LRP2: variants seen among roughly 807,000 people sequenced by gnomAD.
The protein encoded by LRP2 is low-density lipoprotein receptor-related protein 2.
LRP2 carries 172 observed loss-of-function variants against 531.0 expected under a neutral mutation model. The ratio of observed to expected loss-of-function variants is 0.32; its 90% CI spans 0.29 to 0.37. The LOEUF is 0.37. Ranked by LOEUF, LRP2 falls within the 10% of genes least tolerant of loss-of-function variation. The pLI, the probability that LRP2 is intolerant of heterozygous loss-of-function variation, is 1.00. For synonymous variants in LRP2, 1,992 were observed against 2,027.6 expected, an observed-to-expected ratio of 0.98 and a Z score of 0.47; for missense variants, 5,167 against 5,868.3, an observed-to-expected ratio of 0.88 and a Z score of 3.90.
At position 169,226,394 on chromosome 2, in the gene LRP2, T is replaced by C. The variant is rs773145429; in HGVS notation, c.5394+28A>G. 4.4e-6 allele frequency: 7 copies of C among 1,587,852 alleles called. No individual in the cohort carries two copies. The South Asian group carries it at 6.6e-5, about 15-fold the overall frequency. The stretch of plus-strand genomic sequence containing the variant: ...AGGCAGGCTCTTCAAGAATAAATTA[T>C]ATACTTTGAATGTTATTCAAAACTT... On this transcript the variant is annotated intron_variant, in intron 32 of 78. Coordinates refer to ENST00000649046, the MANE Select transcript of LRP2 (RefSeq NM_004525.3).
chr2:169,206,746 T>A lies in LRP2; in HGVS notation c.6974A>T (p.Asp2325Val). Residue 2325 changes from aspartate (D) to valine (V), a missense_variant, in exon 39 of 79, where the codon GAT becomes GTT. Asp to Val is a radical substitution (Grantham distance 152). This residue lies in a region of LRP2 where 2,811 missense variants were observed against 3,058.0 expected (regional missense o/e 0.92). Coordinates refer to ENST00000649046, the MANE Select transcript of LRP2 (RefSeq NM_004525.3). ...GACTTGCTTGTCAAAGATGGTCACA[T>A]CTCTTAGCCAGTTGATATTGTCTCT... ...VIRDNINWLR[D>V]VTIFDKQVQP... 1.2e-6 allele frequency: 2 copies of A among 1,614,154 alleles called. No individual in the cohort carries two copies. The highest frequency in any genetic ancestry group is 1.7e-6 in the Non-Finnish European group (2 of 1,180,024).
chr2:169,345,934 C>G, intron 1 of LRP2, among the ~76,000 whole-genome samples: 1 of 152,190 alleles, frequency 6.6e-6, no homozygotes, highest in African/African-American at 2.4e-5. Context: ...CAGGAAGGCC[C>G]TGGAGGGAAT....
chr2:169,146,378 G>A (rs1685912756), intron 69 of LRP2, among the ~76,000 whole-genome samples: 1 of 152,130 alleles, frequency 6.6e-6, no homozygotes, highest in Admixed American at 6.5e-5. Flanking sequence ...TGCATACTGG[G>A]CAATCTAGTA....
intron 1 of LRP2, among the ~76,000 whole-genome samples, chr2:169,333,314 A>G (rs1371904964): frequency 6.6e-6 from 1 of 152,110 alleles, no homozygotes; most frequent in East Asian, 1.9e-4. Context: ...AGAACAGATG[A>G]GACTAAGCGA....
chr2:169,195,860 C>T (rs1189569505), intron 46 of LRP2, among the ~76,000 whole-genome samples: 1 of 152,062 alleles, frequency 6.6e-6, no homozygotes, highest in Non-Finnish European at 1.5e-5. Flanking sequence ...TGAGAGAAAA[C>T]TGGAATTGAA....
In LRP2 at chr2:169,209,758, A is replaced by G. The variant is rs1688528143; in HGVS notation, c.6281-117T>C. 5.2e-6 allele frequency: 5 copies of G among 961,960 alleles called. No homozygotes were observed. The South Asian group carries it at 5.5e-5, about 11-fold the overall frequency. 59.6% of individuals were successfully genotyped at this position (961,960 alleles called of 1,614,324 possible). ...CCCCTGCTCTGAGCATCTCCCCATTACAAAATGAAACCCTTTTTTCCCAGT... is the reference window on the plus strand; with the variant it reads ...CCCCTGCTCTGAGCATCTCCCCATTGCAAAATGAAACCCTTTTTTCCCAGT... On this transcript the variant is annotated intron_variant, in intron 37 of 78. Coordinates refer to ENST00000649046, the MANE Select transcript of LRP2 (RefSeq NM_004525.3).
chr2:169,336,236 C>T (rs1483011946), intron 1 of LRP2, among the ~76,000 whole-genome samples: 3 of 151,884 alleles, frequency 2.0e-5, no homozygotes, highest in South Asian at 2.1e-4. Context: ...GACATCCAGC[C>T]CCTGCAAACG....
chr2:169,340,244 T>G (rs755367019), intron 1 of LRP2, among the ~76,000 whole-genome samples: 7 of 152,204 alleles, frequency 4.6e-5, no homozygotes, highest in Non-Finnish European at 8.8e-5. Context: ...CTTGTTTCTC[T>G]CTTTCAAATA....
rs1428351995 is a variant in LRP2, at chr2:169,356,263, A to G, written c.79+6058T>C. On this transcript the variant is annotated intron_variant, in intron 1 of 78. Coordinates refer to ENST00000649046, the MANE Select transcript of LRP2 (RefSeq NM_004525.3). ...TAACTTAGTTTTGTGACATTCACCA[A>G]CATAACAGTACTGAATAACATGTGA... Among the ~76,000 whole-genome samples, 3 of 152,214 alleles carry G rather than the reference A, an allele frequency of 2.0e-5. No homozygotes were observed. The East Asian group carries it at 5.8e-4, about 29-fold the overall frequency.
At chr2:169,339,234 C>T (rs1038036272) in intron 1 of LRP2, among the ~76,000 whole-genome samples, 14 of 152,040 alleles carry the variant, frequency 9.2e-5, no homozygotes, top group Admixed American at 2.6e-4. Context: ...AGCTAATTCC[C>T]CCAAAAGCTA....
chr2:169,243,090 A>G lies in LRP2; in HGVS notation c.3551-18T>C. On this transcript the variant is annotated intron_variant, in intron 23 of 78. Coordinates refer to ENST00000649046, the MANE Select transcript of LRP2 (RefSeq NM_004525.3). ...GTTTAATACTAAGAATGAAAGAGAA[A>G]AGCATTAGAAATTAGCTCAGGGCTA... 5.1e-6 allele frequency: 8 copies of G among 1,570,838 alleles called. No homozygotes were observed. Among genetic ancestry groups the G allele is most frequent in the Non-Finnish European group, 7.0e-6 (8 of 1,140,708 alleles).
chr2:169,326,102 G>T (rs1204284438), intron 1 of LRP2, among the ~76,000 whole-genome samples: 1 of 145,938 alleles, frequency 6.9e-6, no homozygotes, highest in Admixed American at 7.0e-5. Flanking sequence ...GAAGAAAAAA[G>T]AAAAATAAGA....
rs1688403453 is a variant in LRP2, at chr2:169,206,725, T to C, written c.6995A>G (p.Gln2332Arg). The change falls in exon 39 of 79, where the codon CAA (glutamine) becomes CGA (arginine). Residue 2332 changes from glutamine (Q) to arginine (R), a missense_variant. Gln to Arg is a conservative substitution (Grantham distance 43). Transcript: ENST00000649046. ...CTCTGCTGGTGACCGGGGCTGGACT[T>C]GCTTGTCAAAGATGGTCACATCTCT... ...WLRDVTIFDK[Q>R]VQPRSPAEVN... is the part of the protein sequence containing the mutation. 6.2e-7 allele frequency: 1 copy of C among 1,614,164 alleles called. No individual in the cohort carries two copies. The highest frequency in any genetic ancestry group is 8.5e-7 in the Non-Finnish European group (1 of 1,180,020).
chr2:169,168,381 T>C (rs1686866792), intron 61 of LRP2, among the ~76,000 whole-genome samples, 158 bp downstream of exon 61: 1 of 152,152 alleles, frequency 6.6e-6, no homozygotes, highest in Non-Finnish European at 1.5e-5. Context: ...CAGAGAGAAC[T>C]GAAGCTGGAA....
At chr2:169,226,894 T>C (rs1230773148) in intron 31 of LRP2, among the ~76,000 whole-genome samples, 1 of 151,546 alleles carries the variant, frequency 6.6e-6, no homozygotes, top group Non-Finnish European at 1.5e-5. Context: ...TTGCTAAACC[T>C]CACAGACAGG....
At position 169,206,617 on chromosome 2, in the gene LRP2, C is replaced by T; in HGVS notation, c.7103G>A (p.Cys2368Tyr). 1 of 1,614,120 alleles carries T rather than the reference C, an allele frequency of 6.2e-7. No homozygotes were observed. The highest frequency in any genetic ancestry group is 8.5e-7 in the Non-Finnish European group (1 of 1,180,018). ...TTGCAGGGTCCCAAAGGCACAGTCA[C>T]ATTTTGGGGTGTGCAATCCAGGCAG... is the stretch of plus-strand genomic sequence containing the variant. ...FALPGLHTPK[C>Y]DCAFGTLQSD... The change falls in exon 39 of 79, where the codon TGT becomes TAT. Residue 2368 changes from cysteine (C) to tyrosine (Y), a missense_variant. By Grantham distance (194) the Cys-to-Tyr change is radical (BLOSUM62 -2). This residue lies in a region of LRP2 where 2,811 missense variants were observed against 3,058.0 expected (regional missense o/e 0.92). Coordinates refer to ENST00000649046, the MANE Select transcript of LRP2 (RefSeq NM_004525.3).
In LRP2 at chr2:169,225,473, G is replaced by T. The variant is rs1689167818; in HGVS notation, c.5395-20C>A. 1 of 1,613,626 alleles carries T rather than the reference G, an allele frequency of 6.2e-7. No homozygotes were observed. The highest frequency in any genetic ancestry group is 8.5e-7 in the Non-Finnish European group (1 of 1,179,782). ...TTCACCCTGGAAAGAAAGACAAGGG[G>T]AGGTGAGCAGTTCCAAGGCCATGGC... On this transcript the variant is annotated intron_variant, in intron 32 of 78. Coordinates refer to ENST00000649046, the MANE Select transcript of LRP2 (RefSeq NM_004525.3).
intron 4 of LRP2, 22 bp downstream of exon 4, chr2:169,307,259 G>A (rs937712979): frequency 1.3e-5 from 20 of 1,512,686 alleles, no homozygotes; most frequent in Non-Finnish European, 1.8e-5. Context: ...CAAATACAGT[G>A]CAAGGACTAA....
chr2:169,198,557 C>G (rs1229106255), intron 45 of LRP2, among the ~76,000 whole-genome samples: 1 of 152,178 alleles, frequency 6.6e-6, no homozygotes, highest in Non-Finnish European at 1.5e-5. Context: ...AGTAGCAGAT[C>G]TCTGGAAGAA....
Sources: allele counts gnomAD v4.1 joint callset (sites outside exome capture counted in the v4.1 genomes callset), GRCh38; gene constraint gnomAD v4.1.1; regional missense constraint gnomAD v4.1.1; transcripts MANE v1.5; gene names NCBI Gene and HGNC (gene_info 2026-07-23, HGNC 2026-07-21).